The following CPXM2 variants were observed in gnomAD, a reference collection of about 807,000 sequenced individuals.
The protein encoded by CPXM2 is carboxypeptidase X, M14 family member 2.
CPXM2 carries 66 observed loss-of-function variants against 86.1 expected under a neutral mutation model. The ratio of observed to expected loss-of-function variants is 0.77; its 90% CI spans 0.63 to 0.94. CPXM2 has a LOEUF of 0.94. CPXM2 is among the 40% of genes least tolerant of loss of function. The pLI is 0.00. For synonymous variants in CPXM2, 388 were observed against 400.2 expected (o/e 0.97, Z 0.36); for missense variants, 948 against 1,026.3 (o/e 0.92, Z 1.04).
rs34924886 is a variant in CPXM2, at chr10:123,785,634, C to CTT, written c.890-5381_890-5380dup. Reference sequence around the variant, plus strand: ...CATGTGGCTTAAATCACTTTAGCTTCTTTTTTTTTTTTTTTTTGAGACGCA... The same window carrying CTT: ...CATGTGGCTTAAATCACTTTAGCTTCTTTTTTTTTTTTTTTTTTTGAGACGCA... On this transcript the variant is annotated intron_variant, in intron 6 of 13. Transcript: ENST00000241305. 1.5e-3 allele frequency among the ~76,000 whole-genome samples: 199 copies of CTT among 136,722 alleles called. 1 individual carries two copies. The highest frequency in any genetic ancestry group is 4.7e-3 in the African/African-American group (174 of 37,128). 89.7% of individuals were successfully genotyped at this position (136,722 alleles called of 152,430 possible). A position where few individuals can be genotyped will look rare whatever the true frequency, so the allele number is the denominator to read the frequency against.
At chr10:123,786,547 A>G (rs944950483) in intron 6 of CPXM2, among the ~76,000 whole-genome samples, 1 of 152,214 alleles carries the variant, frequency 6.6e-6, no homozygotes, top group Non-Finnish European at 1.5e-5. Flanking sequence ...TGAGAAATAA[A>G]AATAAAATTC....
chr10:123,920,746 T>A (rs1945573162), intron 2 of CPXM2, among the ~76,000 whole-genome samples: 6 of 152,266 alleles, frequency 3.9e-5, no homozygotes, highest in Admixed American at 3.3e-4. Context: ...GATTAGGTCA[T>A]GAGGGCTCTG....
In CPXM2 at chr10:123,884,259, T is replaced by C. The variant is rs1016964917; in HGVS notation, c.305-3950A>G. Among the ~76,000 whole-genome samples the C allele has an allele frequency of 5.3e-5, 8 of 152,312 alleles. No homozygotes were observed. In the South Asian group the frequency reaches 1.7e-3, roughly 32 times the overall value. On this transcript the variant is annotated intron_variant, in intron 1 of 13. Transcript: ENST00000241305. ...GAGAAAAAAATGACCAAAGAGGTTC[T>C]CTGGGGCTCCCCAGAATTGCAGCAT... is the stretch of plus-strand genomic sequence containing the variant.
intron 6 of CPXM2, among the ~76,000 whole-genome samples, chr10:123,782,149 T>C (rs1236312035): frequency 6.6e-6 from 1 of 152,252 alleles, no homozygotes; most frequent in Admixed American, 6.5e-5. Flanking sequence ...TCTCAAGCCC[T>C]TTCCTTTTAG....
chr10:123,773,136 C>T (rs1846689797), intron 7 of CPXM2, among the ~76,000 whole-genome samples: 1 of 149,858 alleles, frequency 6.7e-6, no homozygotes, highest in Admixed American at 6.6e-5. Flanking sequence ...CCCCCTCCCT[C>T]ATTGTGGTTA....
chr10:123,768,660 G>T lies in CPXM2; in HGVS notation c.1165C>A (p.Leu389Met). 1 of 1,613,296 alleles carries T rather than the reference G, an allele frequency of 6.2e-7. No homozygotes were observed. ...HGNEVLGREL[L>M]LLLVQFVCQE... ...CACACGAACTGCACCAGCAGCAGCA[G>T]CAGCTCCCGGCCCAGCACCTCATTG... Residue 389 changes from leucine to methionine, a missense_variant, in exon 9 of 14, where the codon CTG (leucine) becomes ATG (methionine). By Grantham distance (15) the Leu-to-Met change is conservative (BLOSUM62 2). Transcript: ENST00000241305.
chr10:123,781,736 G>A (rs925902461), intron 6 of CPXM2, among the ~76,000 whole-genome samples: 9 of 152,156 alleles, frequency 5.9e-5, no homozygotes, highest in African/African-American at 9.7e-5. Context: ...ACCCAGCCCC[G>A]ATCTACTGAA....
At chr10:123,787,950 C>T (rs901838524) in intron 6 of CPXM2, among the ~76,000 whole-genome samples, 4 of 151,994 alleles carry the variant, frequency 2.6e-5, no homozygotes, top group Non-Finnish European at 5.9e-5. Flanking sequence ...CTTTTCTTAT[C>T]CCCCCAGTTC....
At chr10:123,803,915 C>T (rs1330990022) in intron 4 of CPXM2, among the ~76,000 whole-genome samples, 2 of 152,132 alleles carry the variant, frequency 1.3e-5, no homozygotes, top group Non-Finnish European at 2.9e-5. Flanking sequence ...CTGCCTCAGC[C>T]TCCCAAAGTG....
At chr10:123,923,997 T>C (rs1389396696) in intron 2 of CPXM2, among the ~76,000 whole-genome samples, 1 of 152,230 alleles carries the variant, frequency 6.6e-6, no homozygotes, top group African/African-American at 2.4e-5. Context: ...ACTAATACAC[T>C]AGCTATTATA....
At chr10:123,915,744 A>G (rs1945529578) in intron 2 of CPXM2, among the ~76,000 whole-genome samples, 1 of 152,158 alleles carries the variant, frequency 6.6e-6, no homozygotes, top group Non-Finnish European at 1.5e-5. Context: ...GTTGGTCAAT[A>G]GTGCGCATTC....
At chr10:123,838,835 C>A (rs187286142) in intron 4 of CPXM2, among the ~76,000 whole-genome samples, 1 of 152,090 alleles carries the variant, frequency 6.6e-6, no homozygotes, top group Non-Finnish European at 1.5e-5. Context: ...TAGTAACCTG[C>A]GCAGACCACC....
At chr10:123,867,898 C>G (rs1473186943) in intron 2 of CPXM2, among the ~76,000 whole-genome samples, 1 of 152,156 alleles carries the variant, frequency 6.6e-6, no homozygotes, top group Non-Finnish European at 1.5e-5. Flanking sequence ...GCTCCTCCCC[C>G]TTGGGTTCTC....
At chr10:123,790,641 C>T (rs996037201) in intron 6 of CPXM2, among the ~76,000 whole-genome samples, 1 of 152,106 alleles carries the variant, frequency 6.6e-6, no homozygotes, top group African/African-American at 2.4e-5. Context: ...CCAACCAGGG[C>T]CAATCCCACC....
Position 123,938,026 on chromosome 10 carries a change from A to G in CPXM2, n.174+1451T>C, listed in dbSNP as rs769881420. Among the ~76,000 whole-genome samples the G allele has an allele frequency of 5.8e-4, 88 of 152,246 alleles. 1 individual carries two copies. The highest frequency in any genetic ancestry group is 9.2e-4 in the Admixed American group (14 of 15,296). On this transcript the variant is annotated intron_variant and non_coding_transcript_variant, in intron 2 of 19. Coordinates refer to the CPXM2 transcript ENST00000368854. ...AACTCAGAGGCATAAATACAGGTAC[A>G]CCACCAAGAAAATGAGTTTCTAGAA...
At chr10:123,911,650 A>G (rs1945489247) in intron 2 of CPXM2, among the ~76,000 whole-genome samples, 1 of 152,068 alleles carries the variant, frequency 6.6e-6, no homozygotes. Context: ...TGGATGATTC[A>G]GCAAGGTAGA....
upstream of CPXM2, chr10:123,940,351 T>C (rs1222429821): frequency 6.6e-6 from 1 of 152,298 alleles, no homozygotes; most frequent in Non-Finnish European, 1.5e-5. Flanking sequence ...GTCCTTGTCA[T>C]TTGCACAGGA....
chr10:123,934,887 C>T (rs940532350), intron 2 of CPXM2, among the ~76,000 whole-genome samples: 1 of 152,186 alleles, frequency 6.6e-6, no homozygotes, highest in African/African-American at 2.4e-5. Context: ...CCCCTTGATA[C>T]TGATGCCCAG....
intron 6 of CPXM2, among the ~76,000 whole-genome samples, chr10:123,791,994 C>T (rs188661254): frequency 7.2e-5 from 11 of 152,340 alleles, no homozygotes; most frequent in African/African-American, 2.2e-4. Context: ...TGTGGTTCCC[C>T]GTGTGACCTG....
Sources: gnomAD v4.1 joint callset for allele counts (sites outside exome capture counted in the v4.1 genomes callset) on GRCh38, gnomAD v4.1.1 for gene constraint, MANE v1.5 for transcripts, NCBI Gene and HGNC (gene_info 2026-07-23, HGNC 2026-07-21) for gene names.